The following CYP4Z1 variants were observed in gnomAD, a reference collection of about 807,000 sequenced individuals.
The protein encoded by CYP4Z1 is cytochrome P450 4Z1.
Under a neutral mutation model 54.2 loss-of-function variants are expected in CYP4Z1, and 41 were observed. That is an observed-to-expected ratio of 0.76 (90% CI 0.59 to 0.98). CYP4Z1 has a LOEUF of 0.98. Ranked by LOEUF, CYP4Z1 falls within the 50% of genes least tolerant of loss-of-function variation. The pLI, the probability that CYP4Z1 is intolerant of heterozygous loss-of-function variation, is 0.00. For synonymous variants in CYP4Z1, 163 were observed against 206.2 expected (o/e 0.79, Z 1.79); for missense variants, 513 against 599.0 (o/e 0.86, Z 1.50).
intron 9 of CYP4Z1, among the ~76,000 whole-genome samples, chr1:47,112,262 G>GA (rs748477149): frequency 6.6e-6 from 1 of 151,940 alleles, no homozygotes; most frequent in Non-Finnish European, 1.5e-5. Context: ...GAAAAACCAG[G>GA]AAAAAAACTA....
chr1:47,087,916 T>A (rs1644609502), intron 6 of CYP4Z1, among the ~76,000 whole-genome samples: 1 of 152,222 alleles, frequency 6.6e-6, no homozygotes. Flanking sequence ...GGCTGTTGAA[T>A]TTTGTCAAAG....
chr1:47,109,802 G>GT (rs1644780262), intron 9 of CYP4Z1, among the ~76,000 whole-genome samples: 2 of 150,920 alleles, frequency 1.3e-5, no homozygotes, highest in African/African-American at 4.9e-5. Context: ...CTTTTCATAA[G>GT]TTTTTTTCCA....
intron 9 of CYP4Z1, among the ~76,000 whole-genome samples, chr1:47,111,733 A>G (rs1644793324): frequency 6.6e-6 from 1 of 152,224 alleles, no homozygotes; most frequent in Non-Finnish European, 1.5e-5. Flanking sequence ...ATACTAGACC[A>G]CAATAAAAAA....
intron 6 of CYP4Z1, among the ~76,000 whole-genome samples, chr1:47,091,717 T>G (rs1644639127): frequency 2.7e-5 from 4 of 149,578 alleles, no homozygotes; most frequent in Admixed American, 1.3e-4. Flanking sequence ...TCATGTGGAG[T>G]GTAAACAGTT....
chr1:47,076,985 CT>C (rs1644528652), intron 2 of CYP4Z1, among the ~76,000 whole-genome samples: 1 of 151,092 alleles, frequency 6.6e-6, no homozygotes, highest in South Asian at 2.1e-4. Context: ...TTTATTGAGA[CT>C]TTTTTTGTGA....
intron 2 of CYP4Z1, among the ~76,000 whole-genome samples, chr1:47,071,117 G>A (rs1338739874): frequency 6.6e-6 from 1 of 152,312 alleles, no homozygotes; most frequent in Non-Finnish European, 1.5e-5. Context: ...AAAAAAAATA[G>A]ACCAGATGCA....
chr1:47,109,841 T>A (rs1387757465), intron 9 of CYP4Z1, among the ~76,000 whole-genome samples: 1 of 149,826 alleles, frequency 6.7e-6, no homozygotes, highest in Non-Finnish European at 1.5e-5. Context: ...TGAGTTAGAG[T>A]CATTGAGGTG....
At chr1:47,056,902 G>A in the CYP4Z1 span, among the ~76,000 whole-genome samples, 23 of 152,156 alleles carry the variant, frequency 1.5e-4, 1 homozygote, top group African/African-American at 5.3e-4. Flanking sequence ...TTTAATTGGA[G>A]CATTTAGCCC....
At chr1:47,086,329 A>G (rs1644594463) in intron 6 of CYP4Z1, among the ~76,000 whole-genome samples, 1 of 152,160 alleles carries the variant, frequency 6.6e-6, no homozygotes, top group Admixed American at 6.5e-5. Flanking sequence ...AAGTGTTCCT[A>G]TTTCTCCACA....
At chr1:47,057,335 A>AAAAAAAAAAAAAAAAAATATATAT in the CYP4Z1 span, among the ~76,000 whole-genome samples, 1 of 28,490 alleles carries the variant, frequency 3.5e-5, no homozygotes, top group Non-Finnish European at 8.4e-5. Flanking sequence ...AAGAAAAAAA[A>AAAAAAAAAAAAAAAAAATATATAT]ATATATATAT....
intron 6 of CYP4Z1, among the ~76,000 whole-genome samples, chr1:47,091,174 C>T (rs1286333846): frequency 7.2e-6 from 1 of 138,190 alleles, no homozygotes; most frequent in Non-Finnish European, 1.5e-5. Context: ...AAAAGTATGC[C>T]CTTGAGAAGT....
intron 8 of CYP4Z1, among the ~76,000 whole-genome samples, chr1:47,104,806 G>T (rs1442824552): frequency 6.6e-6 from 1 of 152,140 alleles, no homozygotes; most frequent in African/African-American, 2.4e-5. Flanking sequence ...GCAGGTGCTG[G>T]CTATGGTAGG....
upstream of CYP4Z1, among the ~76,000 whole-genome samples, chr1:47,062,992 T>C (rs1644431900): frequency 6.6e-6 from 1 of 152,104 alleles, no homozygotes; most frequent in Non-Finnish European, 1.5e-5. Flanking sequence ...ACCTCACCCC[T>C]CTGCTACCTC....
intron 8 of CYP4Z1, among the ~76,000 whole-genome samples, chr1:47,105,842 A>G (rs1644752798): frequency 6.6e-6 from 1 of 152,180 alleles, no homozygotes; most frequent in African/African-American, 2.4e-5. Flanking sequence ...TGTCTCTACC[A>G]AATTTTCACA....
At chr1:47,094,414 G>A in intron 6 of CYP4Z1, 152 bp from the exon 7 acceptor site, 1 of 537,542 alleles carries the variant, frequency 1.9e-6, no homozygotes, top group Non-Finnish European at 3.3e-6. Context: ...TAAAAAGACA[G>A]CTAGTGGTAC....
rs144381041 is a variant in CYP4Z1 at position 47,099,278 on chromosome 1, T to C, written c.1061T>C (p.Ile354Thr). 1.2e-6 allele frequency: 2 copies of C among 1,605,008 alleles called. No homozygotes were observed. The highest frequency in any genetic ancestry group is 2.2e-5 in the East Asian group (1 of 44,726). Residue 354 changes from isoleucine (I) to threonine (T), a missense_variant, in exon 8 of 12, where the codon ATT (isoleucine) becomes ACT (threonine). By Grantham distance (89) the Ile-to-Thr change is moderately conservative (BLOSUM62 -1). Transcript: ENST00000334194. ...IRELLGDGSS[I>T]TWEHLSQMPY... Reference sequence around the variant, plus strand: ...GAACTCCTAGGGGATGGGTCTTCTATTACCTGGTAAGACCTGTATTCCTAT... The same window carrying C: ...GAACTCCTAGGGGATGGGTCTTCTACTACCTGGTAAGACCTGTATTCCTAT...
chr1:47,104,932 C>T (rs909064493), intron 8 of CYP4Z1, among the ~76,000 whole-genome samples: 6 of 148,332 alleles, frequency 4.0e-5, no homozygotes, highest in Middle Eastern at 3.4e-3. Context: ...TTTTTTGAGG[C>T]GGAGTTTTGC....
Position 47,082,393 on chromosome 1 carries a change from C to A in CYP4Z1, c.424C>A (p.Pro142Thr), listed in dbSNP as rs763928046. 1.2e-6 allele frequency: 2 copies of A among 1,613,648 alleles called. No homozygotes were observed. The highest frequency in any genetic ancestry group is 1.7e-5 in the Admixed American group (1 of 59,922). Reference sequence around the variant, plus strand: ...GAAAAAGCACCGCCAGATTGTGAAACCTGGCTTCAACATCAGCATTCTGAA... The same window carrying A: ...GAAAAAGCACCGCCAGATTGTGAAAACTGGCTTCAACATCAGCATTCTGAA... ...KWKKHRQIVK[P>T]GFNISILKIF... The change falls in exon 4 of 12, where the codon CCT becomes ACT. Residue 142 changes from proline (P) to threonine (T), a missense_variant. Transcript: ENST00000334194.
intron 8 of CYP4Z1, among the ~76,000 whole-genome samples, chr1:47,103,151 T>C (rs544277463): frequency 1.4e-4 from 22 of 152,124 alleles, no homozygotes; most frequent in African/African-American, 4.8e-4. Flanking sequence ...TTTCATTCAA[T>C]AAATTTTTCA....
Sources: gnomAD v4.1 joint callset for allele counts (sites outside exome capture counted in the v4.1 genomes callset) on GRCh38, gnomAD v4.1.1 for gene constraint, MANE v1.5 for transcripts, NCBI Gene and HGNC (gene_info 2026-07-23, HGNC 2026-07-21) for gene names.